SHROOM3: variants seen among roughly 807,000 people sequenced by gnomAD.
The protein encoded by SHROOM3 is shroom family member 3, also known as protein Shroom3.
A neutral mutation model predicts 138.6 loss-of-function variants in SHROOM3; 47 were observed. The observed-to-expected ratio is 0.34, with a 90% confidence interval of 0.27 to 0.43. SHROOM3 has a LOEUF of 0.43. Ranked by LOEUF, SHROOM3 falls within the 20% of genes least tolerant of loss-of-function variation. The pLI is 1.00. For synonymous variants in SHROOM3, 1,062 were observed against 1,063.3 expected (o/e 1.00, Z 0.02); for missense variants, 2,491 against 2,596.5 (o/e 0.96, Z 0.88).
intron 2 of SHROOM3, among the ~76,000 whole-genome samples, chr4:76,660,601 G>C (rs1450101283): frequency 6.6e-6 from 1 of 151,918 alleles, no homozygotes; most frequent in South Asian, 2.1e-4. Flanking sequence ...TCAGCCTCCT[G>C]AGTAGCTGGG....
chr4:76,586,844 A>G (rs1200183213), intron 2 of SHROOM3: 1 of 152,212 alleles, frequency 6.6e-6, no homozygotes, highest in African/African-American at 2.4e-5. Context: ...GCTCCCTCCA[A>G]TCATGCAACC....
At chr4:76,577,574 C>T (rs1733967012) in intron 2 of SHROOM3, among the ~76,000 whole-genome samples, 1 of 152,308 alleles carries the variant, frequency 6.6e-6, no homozygotes, top group South Asian at 2.1e-4. Context: ...TTTAATATAA[C>T]AATTCACGTT....
chr4:76,778,771 C>T (rs1172272107), intron 10 of SHROOM3, 38 bp from the exon 11 acceptor site: 1 of 1,611,768 alleles, frequency 6.2e-7, no homozygotes, highest in Non-Finnish European at 8.5e-7. Flanking sequence ...TTCTCCCTTT[C>T]CCTGGCCTTC....
intron 7 of SHROOM3, 39 bp from the exon 8 acceptor site, chr4:76,756,410 T>C: frequency 6.5e-7 from 1 of 1,541,564 alleles, no homozygotes; most frequent in South Asian, 1.2e-5. Flanking sequence ...TCTCTTTCTC[T>C]CTCTCTCTTT....
At chr4:76,712,898 C>T (rs1359753306) in intron 3 of SHROOM3, among the ~76,000 whole-genome samples, 1 of 152,218 alleles carries the variant, frequency 6.6e-6, no homozygotes, top group Non-Finnish European at 1.5e-5. Flanking sequence ...TGGTGTAGCT[C>T]TTAGACTATG....
chr4:76,677,695 A>G (rs1207817781), intron 2 of SHROOM3, among the ~76,000 whole-genome samples: 1 of 152,234 alleles, frequency 6.6e-6, no homozygotes, highest in African/African-American at 2.4e-5. Context: ...CCTTTGGCCA[A>G]TACAAGCACA....
At chr4:76,612,991 T>G (rs1242656873) in intron 2 of SHROOM3, among the ~76,000 whole-genome samples, 2 of 152,032 alleles carry the variant, frequency 1.3e-5, no homozygotes, top group African/African-American at 4.8e-5. Flanking sequence ...TAAGTTAGAG[T>G]TGAATCCATG....
intron 4 of SHROOM3, among the ~76,000 whole-genome samples, chr4:76,731,688 G>A (rs908109398): frequency 1.3e-5 from 2 of 151,748 alleles, no homozygotes; most frequent in Admixed American, 6.6e-5. Flanking sequence ...GGCTGAGGCA[G>A]AAGAATCGCT....
At chr4:76,561,376 T>A (rs970510072) in intron 2 of SHROOM3, among the ~76,000 whole-genome samples, 2 of 152,170 alleles carry the variant, frequency 1.3e-5, no homozygotes, top group Non-Finnish European at 2.9e-5. Flanking sequence ...AATAAACATC[T>A]GCCTAAAATA....
chr4:76,772,234 G>A (rs191238466), intron 10 of SHROOM3, among the ~76,000 whole-genome samples: 28 of 151,452 alleles, frequency 1.8e-4, no homozygotes, highest in Middle Eastern at 6.8e-3. Flanking sequence ...CTCCCAAGTA[G>A]CTGAGATTAC....
chr4:76,722,006 G>A (rs1720567657), intron 3 of SHROOM3, among the ~76,000 whole-genome samples: 2 of 152,034 alleles, frequency 1.3e-5, no homozygotes, highest in Non-Finnish European at 2.9e-5. Context: ...ATAGGGGTAC[G>A]TGCTATAGTC....
chr4:76,777,741 C>T (rs1722614577), intron 10 of SHROOM3, among the ~76,000 whole-genome samples: 2 of 152,106 alleles, frequency 1.3e-5, no homozygotes, highest in Non-Finnish European at 1.5e-5. Flanking sequence ...TTTGTCTCCT[C>T]AGTTACTTTG....
intron 3 of SHROOM3, among the ~76,000 whole-genome samples, chr4:76,728,472 G>A: frequency 6.6e-6 from 1 of 152,232 alleles, no homozygotes; most frequent in Non-Finnish European, 1.5e-5. Context: ...TGATTGTGAG[G>A]CCTCTCCCTA....
At chr4:76,716,198 A>G in intron 3 of SHROOM3, 1 of 442,036 alleles carries the variant, frequency 2.3e-6, no homozygotes, top group Non-Finnish European at 4.5e-6. Context: ...GGGGACTGGC[A>G]TTGAGAGTCC....
intron 1 of SHROOM3, among the ~76,000 whole-genome samples, chr4:76,551,498 C>T (rs767013930): frequency 1.1e-4 from 17 of 152,272 alleles, no homozygotes; most frequent in East Asian, 1.9e-4. Context: ...TCACTGTACT[C>T]GCAGCTTTTA....
At chr4:76,633,483 C>T (rs1246418226) in intron 2 of SHROOM3, among the ~76,000 whole-genome samples, 1 of 151,434 alleles carries the variant, frequency 6.6e-6, no homozygotes, top group Non-Finnish European at 1.5e-5. Flanking sequence ...GGTGAAAGCC[C>T]GTCTCTATTA....
At chr4:76,482,237 A>G (rs963942990) in intron 1 of SHROOM3, among the ~76,000 whole-genome samples, 2 of 152,208 alleles carry the variant, frequency 1.3e-5, no homozygotes, top group Admixed American at 6.5e-5. Context: ...AGATGACATG[A>G]TTGTATATTT....
intron 9 of SHROOM3, among the ~76,000 whole-genome samples, chr4:76,760,577 C>T (rs1003587421): frequency 1.3e-5 from 2 of 152,202 alleles, no homozygotes; most frequent in Non-Finnish European, 2.9e-5. Context: ...GTGTCCCAAG[C>T]TGTCTTGTCT....
chr4:76,677,812 TACTC>T (rs1169006881), intron 2 of SHROOM3, among the ~76,000 whole-genome samples: 6 of 152,208 alleles, frequency 3.9e-5, no homozygotes, highest in African/African-American at 1.4e-4. Context: ...TGTGGCATAA[TACTC>T]ACATCCGGCT....
Sources: allele counts gnomAD v4.1 joint callset (sites outside exome capture counted in the v4.1 genomes callset), GRCh38; gene constraint gnomAD v4.1.1; transcripts MANE v1.5; gene names NCBI Gene and HGNC (gene_info 2026-07-23, HGNC 2026-07-21).